PPP1R16A: variants seen among roughly 807,000 people sequenced by gnomAD.
PPP1R16A encodes protein phosphatase 1 regulatory subunit 16A.
PPP1R16A carries 39 observed loss-of-function variants against 46.6 expected under a neutral mutation model. The observed-to-expected ratio is 0.84, with a 90% CI of 0.65 to 1.09. PPP1R16A has a LOEUF of 1.09. Ranked by LOEUF, PPP1R16A falls within the 50% of genes least tolerant of loss-of-function variation. The pLI, the probability that PPP1R16A is intolerant of heterozygous loss-of-function variation, is 0.00. For missense variants in PPP1R16A, 798 were observed against 735.6 expected, an observed-to-expected ratio of 1.08 and a Z score of -0.98; for synonymous variants, 413 against 321.5, an observed-to-expected ratio of 1.28 and a Z score of -3.04.
At chr8:144,488,403 G>GGAGGGCATGGGGCAAGGT (rs1825690101) in intron 1 of PPP1R16A, among the ~76,000 whole-genome samples, 3 of 152,196 alleles carry the variant, frequency 2.0e-5, no homozygotes, top group Non-Finnish European at 4.4e-5. Context: ...TGTGGGAGCA[G>GGAGGGCATGGGGCAAGGT]GAGGGCATGG....
Position 144,501,960 on chromosome 8 carries a change from C to T in PPP1R16A, c.*57C>T. 6.9e-7 allele frequency: 1 copy of T among 1,453,220 alleles called. No homozygotes were observed. Among genetic ancestry groups the T allele is most frequent in the Non-Finnish European group, 9.1e-7 (1 of 1,103,304 alleles). 90.0% of individuals were successfully genotyped at this position (1,453,220 alleles called of 1,614,324 possible). A position where few individuals can be genotyped will look rare whatever the true frequency, so the allele number is the denominator to read the frequency against. Reference sequence around the variant, plus strand: ...CGGGCACAGCCCAAGGCTGCCTCCCCACGGTGCGTGCCCTGGTGCTGCGGG... The same window carrying T: ...CGGGCACAGCCCAAGGCTGCCTCCCTACGGTGCGTGCCCTGGTGCTGCGGG... On this transcript the variant is annotated 3_prime_UTR_variant, in exon 12 of 12. Transcript: ENST00000435887.
Position 144,500,369 on chromosome 8 carries a change from C to G in PPP1R16A, c.683C>G (p.Pro228Arg), listed in dbSNP as rs758153683. 6.5e-7 allele frequency: 1 copy of G among 1,531,894 alleles called. No homozygotes were observed. Among genetic ancestry groups the G allele is most frequent in the Non-Finnish European group, 8.7e-7 (1 of 1,144,644 alleles). The allele number at this position is 1,531,894 out of a possible 1,614,324, so 94.9% of individuals were successfully genotyped here. A position where few individuals can be genotyped will look rare whatever the true frequency, so the allele number is the denominator to read the frequency against. ...CAGGCCGGGGCAGACCTCCATGCCC[C>G]CCTGGACCACGGGGCCACGCTGGTG... ...RLQAGADLHA[P>R]LDHGATLLHV... The change falls in exon 7 of 12, where the codon CCC becomes CGC. Residue 228 changes from proline (P) to arginine (R), a missense_variant. Physicochemically the swap from Pro to Arg is moderately radical, Grantham distance 103. Transcript: ENST00000435887.
chr8:144,496,108 CG>C (rs2130438473), intron 2 of PPP1R16A: 1 of 152,338 alleles, frequency 6.6e-6, no homozygotes, highest in South Asian at 2.1e-4. Flanking sequence ...GGCTGTTCCA[CG>C]AGACCTCACC....
In PPP1R16A at chr8:144,497,008, C is replaced by T; in HGVS notation, c.-187C>T. The T allele has an allele frequency of 1.3e-6, 1 of 754,716 alleles. No homozygotes were observed. Among genetic ancestry groups the T allele is most frequent in the Non-Finnish European group, 2.1e-6 (1 of 472,352 alleles). The allele number at this position is 754,716 out of a possible 1,614,324, so 46.8% of individuals were successfully genotyped here. On this transcript the variant is annotated 5_prime_UTR_variant, in exon 3 of 12. Coordinates refer to ENST00000435887, the MANE Select transcript of PPP1R16A (RefSeq NM_001329443.2). ...TGCCCTCCCTGCCCCGGCCCATGCC[C>T]CCCAGGGCTGCCTGGGCCTGGTTAT...
intron 2 of PPP1R16A, chr8:144,496,100 C>T (rs2130438179): frequency 6.6e-6 from 1 of 152,410 alleles, no homozygotes; most frequent in African/African-American, 2.4e-5. Flanking sequence ...GCCCTCAAGG[C>T]TGTTCCACGA....
intron 3 of PPP1R16A, 182 bp downstream of exon 3, chr8:144,497,635 C>T (rs1466526528): frequency 3.7e-6 from 3 of 816,720 alleles, no homozygotes; most frequent in Non-Finnish European, 6.1e-6. Flanking sequence ...AAGCCCCAAG[C>T]AGTGGGCAGC....
chr8:144,491,762 CAAAAAAAA>C (rs549819147), intron 2 of PPP1R16A, among the ~76,000 whole-genome samples: 2 of 83,788 alleles, frequency 2.4e-5, no homozygotes, highest in East Asian at 7.1e-4. Flanking sequence ...GACTCTGTTT[CAAAAAAAA>C]AAAAAAAAAA....
At chr8:144,496,001 A>G (rs1826042634) in intron 2 of PPP1R16A, 3 of 152,758 alleles carry the variant, frequency 2.0e-5, no homozygotes, top group Non-Finnish European at 4.4e-5. Flanking sequence ...ATCAGTCAGG[A>G]CAGGAGGAGG....
intron 11 of PPP1R16A, 46 bp from the exon 12 acceptor site, chr8:144,501,473 AG>A (rs1366372233): frequency 8.7e-6 from 13 of 1,490,160 alleles, no homozygotes; most frequent in Non-Finnish European, 1.2e-5. Context: ...AAGGCCAGGG[AG>A]GGGGGAGGAG....
chr8:144,498,032 G>A, intron 3 of PPP1R16A: 2 of 456,396 alleles, frequency 4.4e-6, no homozygotes, highest in Non-Finnish European at 8.8e-6. Flanking sequence ...GTGCTCTGGA[G>A]TCTTGGGGGA....
intron 3 of PPP1R16A, 59 bp downstream of exon 3, chr8:144,497,512 G>T: frequency 6.2e-7 from 1 of 1,604,816 alleles, no homozygotes; most frequent in Non-Finnish European, 8.5e-7. Flanking sequence ...TGCTACCTGG[G>T]TGCCGTCTCA....
chr8:144,498,660 C>A, intron 3 of PPP1R16A, 110 bp from the exon 4 acceptor site: 1 of 1,097,366 alleles, frequency 9.1e-7, no homozygotes, highest in Non-Finnish European at 1.3e-6. Context: ...GTGCCTCCTG[C>A]CATCGGCACC....
chr8:144,488,432 C>T (rs1249388203), intron 1 of PPP1R16A, among the ~76,000 whole-genome samples: 1 of 152,032 alleles, frequency 6.6e-6, no homozygotes, highest in Admixed American at 6.6e-5. Flanking sequence ...GAGGGCATGG[C>T]AGCGAGGGAG....
In PPP1R16A at chr8:144,501,695, A is replaced by C. The variant is rs1826496651; in HGVS notation, c.1379A>C (p.Lys460Thr). ...GCCCACCACACCCTGGCTGACCTGAAGCGCCAGCGAGCTGCTGCCAAGCTG... is the reference window on the plus strand; with the variant it reads ...GCCCACCACACCCTGGCTGACCTGACGCGCCAGCGAGCTGCTGCCAAGCTG... ...DKAHHTLADL[K>T]RQRAAAKLQR... Residue 460 changes from lysine (K) to threonine (T), a missense_variant, in exon 12 of 12, where the codon AAG becomes ACG. By Grantham distance (78) the Lys-to-Thr change is moderately conservative (BLOSUM62 -1). Transcript: ENST00000435887. The C allele has an allele frequency of 6.2e-7, 1 of 1,603,094 alleles. No individual in the cohort carries two copies. The highest frequency in any genetic ancestry group is 8.5e-7 in the Non-Finnish European group (1 of 1,175,920).
chr8:144,484,341 C>T (rs999060710), intron 1 of PPP1R16A, among the ~76,000 whole-genome samples: 3 of 152,202 alleles, frequency 2.0e-5, no homozygotes, highest in African/African-American at 4.8e-5. Flanking sequence ...ACATCTACTC[C>T]GTGGGGGTTA....
chr8:144,487,750 A>ATAT (rs1462160244), intron 1 of PPP1R16A, among the ~76,000 whole-genome samples: 11 of 152,208 alleles, frequency 7.2e-5, no homozygotes, highest in African/African-American at 2.7e-4. Context: ...ACCAAACTGT[A>ATAT]TATAATAAGT....
chr8:144,497,493 C>T, intron 3 of PPP1R16A, 40 bp downstream of exon 3: 1 of 1,609,482 alleles, frequency 6.2e-7, no homozygotes, highest in Non-Finnish European at 8.5e-7. Flanking sequence ...CAGCAGACGG[C>T]CCACTCCCTG....
In PPP1R16A at chr8:144,501,565, G is replaced by A. The variant is rs761540978; in HGVS notation, c.1249G>A (p.Gly417Ser). 6.3e-7 allele frequency: 1 copy of A among 1,592,252 alleles called. No homozygotes were observed. The highest frequency in any genetic ancestry group is 2.3e-5 in the East Asian group (1 of 43,414). The change falls in exon 12 of 12, where the codon GGC (glycine) becomes AGC (serine). Residue 417 changes from glycine to serine, a missense_variant. Gly to Ser is a moderately conservative substitution (Grantham distance 56). Coordinates refer to ENST00000435887, the MANE Select transcript of PPP1R16A (RefSeq NM_001329443.2). ...VVRPHNGRVGGSPVRHLYSKR... is the reference protein window; with the variant it reads ...VVRPHNGRVGSSPVRHLYSKR... ...CAGGCCGCACAATGGCCGAGTAGGG[G>A]GCTCCCCAGTGCGGCATCTATACTC... is the stretch of plus-strand genomic sequence containing the variant.
In PPP1R16A at chr8:144,497,095, G is replaced by T. The variant is rs1215955921; in HGVS notation, c.-100G>T. On this transcript the variant is annotated 5_prime_UTR_variant, in exon 3 of 12. Coordinates refer to ENST00000435887, the MANE Select transcript of PPP1R16A (RefSeq NM_001329443.2). ...CTCTGGGAAGGGGATGCCCCCGAGG[G>T]TGCCAGTCCAGCTAGCTGCCCCACC... The T allele has an allele frequency of 3.4e-6, 5 of 1,472,470 alleles. No homozygotes were observed. Among genetic ancestry groups the T allele is most frequent in the Non-Finnish European group, 3.7e-6 (4 of 1,093,252 alleles). 91.2% of individuals were successfully genotyped at this position (1,472,470 alleles called of 1,614,324 possible). A position where few individuals can be genotyped will look rare whatever the true frequency, so the allele number is the denominator to read the frequency against.
Sources: gnomAD v4.1 joint callset for allele counts (sites outside exome capture counted in the v4.1 genomes callset) on GRCh38, gnomAD v4.1.1 for gene constraint, MANE v1.5 for transcripts, NCBI Gene and HGNC (gene_info 2026-07-23, HGNC 2026-07-21) for gene names.